The following SLC30A6 variants were observed in gnomAD, a reference collection of about 807,000 sequenced individuals.
The protein encoded by SLC30A6 is zinc transporter 6.
In SLC30A6, 55 loss-of-function variants were observed where a neutral mutation model predicts 63.0. The observed-to-expected ratio is 0.87, with a 90% confidence interval of 0.70 to 1.09. The LOEUF is 1.09. Ranked by LOEUF, SLC30A6 falls within the 50% of genes least tolerant of loss-of-function variation. The pLI, the probability that SLC30A6 is intolerant of heterozygous loss-of-function variation, is 0.00. For missense variants in SLC30A6, 587 were observed against 549.2 expected, an observed-to-expected ratio of 1.07 and a Z score of -0.69; for synonymous variants, 224 against 186.1, an observed-to-expected ratio of 1.20 and a Z score of -1.66.
At chr2:32,182,225 C>A (rs925838340) in intron 4 of SLC30A6, among the ~76,000 whole-genome samples, 8 of 152,132 alleles carry the variant, frequency 5.3e-5, no homozygotes, top group Admixed American at 5.2e-4. Flanking sequence ...GCATGAGCCA[C>A]CACGCCCAGC....
intron 10 of SLC30A6, 53 bp downstream of exon 10, chr2:32,197,879 T>TTAAGGGCATCAGCAGGATGGA: frequency 6.2e-7 from 1 of 1,602,984 alleles, no homozygotes; most frequent in Non-Finnish European, 8.5e-7. Flanking sequence ...GGACTTACTT[T>TTAAGGGCATCAGCAGGATGGA]TAAGGGCATC....
chr2:32,177,436 A>G lies in SLC30A6; in HGVS notation c.218+2075A>G, dbSNP rs750104477. 34 of 218,226 alleles carry G rather than the reference A, an allele frequency of 1.6e-4. 1 individual carries two copies. Among genetic ancestry groups the G allele is most frequent in the Non-Finnish European group, 2.5e-4 (26 of 102,814 alleles). The allele number at this position is 218,226 out of a possible 1,614,324, so 13.5% of individuals were successfully genotyped here. ...CTCCCAAGTAGCTGGGATTACAGGCATGTACCACCAGGCACGGCTAATTTT... is the reference window on the plus strand; with the variant it reads ...CTCCCAAGTAGCTGGGATTACAGGCGTGTACCACCAGGCACGGCTAATTTT... On this transcript the variant is annotated intron_variant, in intron 4 of 13. Transcript: ENST00000282587.
chr2:32,181,862 C>T (rs1025314261), intron 4 of SLC30A6, among the ~76,000 whole-genome samples: 5 of 149,360 alleles, frequency 3.3e-5, no homozygotes, highest in African/African-American at 7.4e-5. Flanking sequence ...AGTGAGACTC[C>T]GTCTCAAAAA....
chr2:32,202,293 C>A, intron 10 of SLC30A6: 1 of 491,154 alleles, frequency 2.0e-6, no homozygotes, highest in Non-Finnish European at 3.6e-6. Context: ...TTTGCGATCC[C>A]TTTGATTGAA....
At chr2:32,171,730 T>C (rs1681235909) in intron 2 of SLC30A6, among the ~76,000 whole-genome samples, 1 of 152,108 alleles carries the variant, frequency 6.6e-6, no homozygotes, top group South Asian at 2.1e-4. Flanking sequence ...TACACTCTTG[T>C]TGCCTAAGCT....
intron 1 of SLC30A6, among the ~76,000 whole-genome samples, chr2:32,167,162 G>T (rs993389132): frequency 6.6e-6 from 1 of 152,050 alleles, no homozygotes; most frequent in Admixed American, 6.6e-5. Flanking sequence ...CACAACTTCC[G>T]CCTCCCGGGT....
intron 13 of SLC30A6, among the ~76,000 whole-genome samples, chr2:32,215,352 G>A (rs549263428): frequency 2.0e-5 from 3 of 151,434 alleles, no homozygotes; most frequent in Non-Finnish European, 4.4e-5. Flanking sequence ...GCACCACCAC[G>A]CCTGGCTAAT....
intron 8 of SLC30A6, among the ~76,000 whole-genome samples, chr2:32,197,014 G>A (rs1683852093): frequency 6.6e-6 from 1 of 152,072 alleles, no homozygotes; most frequent in African/African-American, 2.4e-5. Flanking sequence ...GAGCCGAGAT[G>A]GCACCACTGC....
At chr2:32,184,374 G>T in intron 5 of SLC30A6, 36 bp downstream of exon 5, 2 of 1,233,538 alleles carry the variant, frequency 1.6e-6, no homozygotes, top group South Asian at 3.4e-5. Context: ...GCTAACTTAT[G>T]ACTACTAAAA....
At chr2:32,195,035 T>G (rs1451191165) in intron 8 of SLC30A6, among the ~76,000 whole-genome samples, 1 of 152,020 alleles carries the variant, frequency 6.6e-6, no homozygotes, top group Non-Finnish European at 1.5e-5. Context: ...CTTTTTTGTA[T>G]GCACACGTAC....
intron 11 of SLC30A6, 48 bp from the exon 12 acceptor site, chr2:32,206,838 A>G: frequency 6.6e-7 from 1 of 1,514,712 alleles, no homozygotes; most frequent in South Asian, 1.1e-5. Context: ...TTGTTGGCAA[A>G]CTTTTTTCCT....
chr2:32,188,401 G>C (rs1363499578), intron 5 of SLC30A6, among the ~76,000 whole-genome samples: 1 of 152,082 alleles, frequency 6.6e-6, no homozygotes, highest in Non-Finnish European at 1.5e-5. Flanking sequence ...CCTTTAAAAG[G>C]TAAATTTCAG....
intron 2 of SLC30A6, among the ~76,000 whole-genome samples, chr2:32,173,118 G>A (rs1681381879): frequency 2.0e-5 from 3 of 152,136 alleles, no homozygotes; most frequent in Non-Finnish European, 2.9e-5. Context: ...GTAATTACAT[G>A]TTATAAGTTC....
intron 9 of SLC30A6, 92 bp downstream of exon 9, chr2:32,197,484 G>A: frequency 5.2e-6 from 7 of 1,344,734 alleles, no homozygotes; most frequent in East Asian, 4.6e-5. Flanking sequence ...TCGTTGCTGA[G>A]GTTACTACGT....
chr2:32,207,226 T>C (rs937880949), intron 12 of SLC30A6, among the ~76,000 whole-genome samples: 2 of 152,134 alleles, frequency 1.3e-5, no homozygotes, highest in African/African-American at 4.8e-5. Flanking sequence ...TAGTTATTTT[T>C]TTTTTGAGAC....
At position 32,220,294 on chromosome 2, in the gene SLC30A6, C is replaced by G. The variant is rs761371765; in HGVS notation, c.967C>G (p.Leu323Val). ...TCATGTGACCAACAGGCTGTACACT[C>G]TAGTGTCTACTCTAACTGTTCAAAT... ...LAHVTNRLYT[L>V]VSTLTVQIFK... Residue 323 changes from leucine to valine, a missense_variant, in exon 14 of 14, where the codon CTA becomes GTA. Leu to Val is a conservative substitution (Grantham distance 32). Transcript: ENST00000282587. 35 of 1,614,176 alleles carry G rather than the reference C, an allele frequency of 2.2e-5. No individual in the cohort carries two copies. The South Asian group carries it at 3.7e-4, about 17-fold the overall frequency.
At chr2:32,189,281 C>CTTTTTTTTTTTTTTTTT (rs61221362) in intron 5 of SLC30A6, among the ~76,000 whole-genome samples, 3 of 114,872 alleles carry the variant, frequency 2.6e-5, no homozygotes, top group Non-Finnish European at 3.5e-5. Context: ...TTGATACTGT[C>CTTTTTTTTTTTTTTTTT]TTTTTTTTTT....
At chr2:32,209,425 A>G (rs1351338937) in intron 12 of SLC30A6, 68 bp from the exon 13 acceptor site, 1 of 1,256,284 alleles carries the variant, frequency 8.0e-7, no homozygotes, top group Non-Finnish European at 1.1e-6. Context: ...TAAGTCCATA[A>G]TGTGACTAAA....
chr2:32,200,779 C>T (rs1269137827), intron 10 of SLC30A6, among the ~76,000 whole-genome samples: 1 of 151,988 alleles, frequency 6.6e-6, no homozygotes, highest in East Asian at 1.9e-4. Context: ...CCACTGTTGT[C>T]CTGTGACCCT....
Sources: gnomAD v4.1 joint callset for allele counts (sites outside exome capture counted in the v4.1 genomes callset) on GRCh38, gnomAD v4.1.1 for gene constraint, MANE v1.5 for transcripts, NCBI Gene and HGNC (gene_info 2026-07-23, HGNC 2026-07-21) for gene names.